BOD1: variants seen among roughly 807,000 people sequenced by gnomAD.
BOD1 encodes the protein biorientation of chromosomes in cell division 1, also known as biorientation of chromosomes in cell division protein 1.
Under a neutral mutation model 15.7 loss-of-function variants are expected in BOD1, and 11 were observed. The ratio of observed to expected loss-of-function variants is 0.70; its 90% CI spans 0.44 to 1.16. The LOEUF (loss-of-function observed/expected upper bound fraction) is 1.16. Ranked by LOEUF, BOD1 falls within the 50% of genes most tolerant of loss-of-function variation. The pLI is 0.00. For synonymous variants in BOD1, 105 were observed against 103.5 expected (o/e 1.01, Z -0.09); for missense variants, 182 against 244.5 (o/e 0.74, Z 1.70).
Position 173,616,625 on chromosome 5 carries a change from G to C in BOD1, c.-189C>G. On this transcript the variant is annotated 5_prime_UTR_variant, in exon 1 of 4. Coordinates refer to ENST00000311086, the MANE Select transcript of BOD1 (RefSeq NM_138369.3). ...GGCGAAGGCCCCCTCTGATACAGCA[G>C]AGGTTGTGGTGGACGCGGCAGAAAC... The C allele has an allele frequency of 2.3e-6, 3 of 1,328,876 alleles. No homozygotes were observed. The highest frequency in any genetic ancestry group is 3.1e-5 in the African/African-American group (2 of 64,598). The allele number at this position is 1,328,876 out of a possible 1,614,324, so 82.3% of individuals were successfully genotyped here.
In BOD1 at chr5:173,616,185, G is replaced by C. The variant is rs184246750; in HGVS notation, c.237+15C>G. ...GTGCAGCCCCGCTCCCCAACGCCCAGGCGGCCGCAGCTACCTTGGTGTCCA... is the reference window on the plus strand; with the variant it reads ...GTGCAGCCCCGCTCCCCAACGCCCACGCGGCCGCAGCTACCTTGGTGTCCA... On this transcript the variant is annotated intron_variant, in intron 1 of 3. Coordinates refer to ENST00000311086, the MANE Select transcript of BOD1 (RefSeq NM_138369.3). The C allele has an allele frequency of 6.4e-7, 1 of 1,571,358 alleles. No individual in the cohort carries two copies. Among genetic ancestry groups the C allele is most frequent in the South Asian group, 1.2e-5 (1 of 85,872 alleles).
chr5:173,614,048 G>A (rs182561043), intron 1 of BOD1, among the ~76,000 whole-genome samples: 2 of 152,318 alleles, frequency 1.3e-5, no homozygotes, highest in Admixed American at 6.5e-5. Context: ...AGAGATACTA[G>A]TAACCAAATG....
chr5:173,616,069 G>T, intron 1 of BOD1, 131 bp downstream of exon 1: 1 of 1,142,116 alleles, frequency 8.8e-7, no homozygotes, highest in Non-Finnish European at 1.2e-6. Flanking sequence ...ACTGCCCCAA[G>T]CGGTGTAAGA....
In BOD1 at chr5:173,608,210, A is replaced by G; in HGVS notation, c.*84T>C. On this transcript the variant is annotated 3_prime_UTR_variant, in exon 4 of 4. Coordinates refer to ENST00000311086, the MANE Select transcript of BOD1 (RefSeq NM_138369.3). ...TTGAGATCAGTGACGACCTTGGCCT[A>G]TCTTCAGTCTGAAGTTGCACTCTTA... is the stretch of plus-strand genomic sequence containing the variant. 1 of 1,528,606 alleles carries G rather than the reference A, an allele frequency of 6.5e-7. No individual in the cohort carries two copies. The highest frequency in any genetic ancestry group is 9.1e-7 in the Non-Finnish European group (1 of 1,102,196). The allele number at this position is 1,528,606 out of a possible 1,614,324, so 94.7% of individuals were successfully genotyped here.
At chr5:173,611,095 C>G (rs555026914) in intron 2 of BOD1, among the ~76,000 whole-genome samples, 1 of 152,298 alleles carries the variant, frequency 6.6e-6, no homozygotes, top group East Asian at 1.9e-4. Flanking sequence ...ACCAAAACCC[C>G]TGATCAGGGG....
At chr5:173,612,529 T>C (rs143822505) in intron 2 of BOD1, among the ~76,000 whole-genome samples, 35 of 152,308 alleles carry the variant, frequency 2.3e-4, no homozygotes, top group Admixed American at 4.6e-4. Context: ...CTCCCATCCG[T>C]AACCCCAGGC....
Position 173,607,616 on chromosome 5 carries a change from C to T in BOD1, c.*678G>A, listed in dbSNP as rs1187748160. On this transcript the variant is annotated 3_prime_UTR_variant, in exon 4 of 4. Transcript: ENST00000311086. Reference sequence around the variant, plus strand: ...AAATGTGAGAATAAAATAAACATACCTAAGACTCACTGGCCCCTCCAGGAC... The same window carrying T: ...AAATGTGAGAATAAAATAAACATACTTAAGACTCACTGGCCCCTCCAGGAC... 1 of 152,304 alleles carries T rather than the reference C, an allele frequency of 6.6e-6. No homozygotes were observed. The highest frequency in any genetic ancestry group is 1.5e-5 in the Non-Finnish European group (1 of 68,052). 9.4% of individuals were successfully genotyped at this position (152,304 alleles called of 1,614,324 possible). A position where few individuals can be genotyped will look rare whatever the true frequency, so the allele number is the denominator to read the frequency against.
chr5:173,609,036 G>A (rs1755277259), intron 3 of BOD1, among the ~76,000 whole-genome samples: 2 of 152,080 alleles, frequency 1.3e-5, no homozygotes, highest in Non-Finnish European at 2.9e-5. Flanking sequence ...TTTAGCGCTG[G>A]TGGAACAGAA....
chr5:173,614,623 T>G (rs1755443459), intron 1 of BOD1: 2 of 152,256 alleles, frequency 1.3e-5, no homozygotes, highest in African/African-American at 4.8e-5. Flanking sequence ...CACCACGCTT[T>G]GAGAACCACT....
At chr5:173,611,293 G>A (rs966725017) in intron 2 of BOD1, among the ~76,000 whole-genome samples, 1 of 152,270 alleles carries the variant, frequency 6.6e-6, no homozygotes, top group Non-Finnish European at 1.5e-5. Context: ...TCTAGGCTGT[G>A]GCACTGGGTT....
At position 173,616,409 on chromosome 5, in the gene BOD1, T is replaced by A; in HGVS notation, c.28A>T (p.Thr10Ser). The change falls in exon 1 of 4, where the codon ACT becomes TCT. Residue 10 changes from threonine (T) to serine (S), a missense_variant. Around this residue, in one of 3 missense-constraint regions of BOD1, gnomAD observed 72 missense variants for 68.9 expected, o/e 1.05. Transcript: ENST00000311086. MADGGGGGG[T>S]GAVGGGGTSQ... The stretch of plus-strand genomic sequence containing the variant: ...GTTCCGCCGCCGCCCACCGCGCCAG[T>A]TCCCCCGCCGCCGCCGCCGTCCGCC... The A allele has an allele frequency of 1.3e-6, 2 of 1,535,356 alleles. No individual in the cohort carries two copies. The highest frequency in any genetic ancestry group is 8.7e-7 in the Non-Finnish European group (1 of 1,151,484).
At position 173,616,481 on chromosome 5, in the gene BOD1, T is replaced by C; in HGVS notation, c.-45A>G. 6.4e-7 allele frequency: 1 copy of C among 1,554,124 alleles called. No individual in the cohort carries two copies. Among genetic ancestry groups the C allele is most frequent in the Non-Finnish European group, 8.6e-7 (1 of 1,161,552 alleles). ...AAGGGAGAACGACTATAGCTTCTTC[T>C]CCAGGACAGAAGGCCTAGAACGTGT... On this transcript the variant is annotated 5_prime_UTR_variant, in exon 1 of 4. Transcript: ENST00000311086.
chr5:173,611,341 A>G (rs760892837), intron 2 of BOD1, among the ~76,000 whole-genome samples: 11 of 152,244 alleles, frequency 7.2e-5, no homozygotes, highest in Admixed American at 5.9e-4. Context: ...CAGTGAGCCA[A>G]TGCTCTGAAG....
At position 173,609,197 on chromosome 5, in the gene BOD1, C is replaced by T. The variant is rs747564811; in HGVS notation, c.*1+41G>A. On this transcript the variant is annotated intron_variant, in intron 3 of 3. Coordinates refer to ENST00000311086, the MANE Select transcript of BOD1 (RefSeq NM_138369.3). ...CCTATCCATTTTACATATCTACAAG[C>T]CAGAGATGCATACTCCTGGACAGAA... The T allele has an allele frequency of 3.4e-6, 5 of 1,473,030 alleles. No homozygotes were observed. In the East Asian group the frequency reaches 9.0e-5, roughly 27 times the overall value. The allele number at this position is 1,473,030 out of a possible 1,614,324, so 91.2% of individuals were successfully genotyped here.
intron 3 of BOD1, among the ~76,000 whole-genome samples, 199 bp downstream of exon 3, chr5:173,609,039 G>T (rs1755277411): frequency 6.6e-6 from 1 of 152,110 alleles, no homozygotes; most frequent in East Asian, 1.9e-4. Context: ...AGCGCTGGTG[G>T]AACAGAAAAT....
At chr5:173,610,857 C>A (rs377470361) in intron 2 of BOD1, among the ~76,000 whole-genome samples, 1 of 152,150 alleles carries the variant, frequency 6.6e-6, no homozygotes, top group East Asian at 1.9e-4. Flanking sequence ...TCCGCGAATG[C>A]AATTTATGCC....
At chr5:173,613,295 T>G in intron 1 of BOD1, 40 bp from the exon 2 acceptor site, 1 of 1,610,408 alleles carries the variant, frequency 6.2e-7, no homozygotes, top group South Asian at 1.1e-5. Context: ...AGAAGTTATA[T>G]GCACCAAAGT....
chr5:173,608,159 C>A lies in BOD1; in HGVS notation c.*135G>T. ...GAACTTGCTCCCCTTTCAATCTGGT[C>A]ACTGCCCATGGTCAAGGTTGAAATC... is the stretch of plus-strand genomic sequence containing the variant. On this transcript the variant is annotated 3_prime_UTR_variant, in exon 4 of 4. Coordinates refer to ENST00000311086, the MANE Select transcript of BOD1 (RefSeq NM_138369.3). 1 of 1,090,388 alleles carries A rather than the reference C, an allele frequency of 9.2e-7. No homozygotes were observed. The highest frequency in any genetic ancestry group is 1.3e-5 in the South Asian group (1 of 77,340). The allele number at this position is 1,090,388 out of a possible 1,614,324, so 67.5% of individuals were successfully genotyped here. A position where few individuals can be genotyped will look rare whatever the true frequency, so the allele number is the denominator to read the frequency against.
At chr5:173,614,293 C>T (rs1581245879) in intron 1 of BOD1, among the ~76,000 whole-genome samples, 1 of 152,120 alleles carries the variant, frequency 6.6e-6, no homozygotes, top group East Asian at 1.9e-4. Context: ...CTCAAAATAA[C>T]GCACCTGGTT....
Sources: allele counts gnomAD v4.1 joint callset (sites outside exome capture counted in the v4.1 genomes callset), GRCh38; gene constraint gnomAD v4.1.1; regional missense constraint gnomAD v4.1.1; transcripts MANE v1.5; gene names NCBI Gene and HGNC (gene_info 2026-07-23, HGNC 2026-07-21).